Variants in PAK5 observed in about 807,000 individuals in gnomAD.
The protein encoded by PAK5 is serine/threonine-protein kinase PAK 5.
Under a neutral mutation model 65.9 loss-of-function variants are expected in PAK5, and 16 were observed. That is an observed-to-expected ratio of 0.24 (90% CI 0.16 to 0.37). The LOEUF (loss-of-function observed/expected upper bound fraction) is 0.37. PAK5 is among the 10% of genes least tolerant of loss of function. The pLI, the probability that PAK5 is intolerant of heterozygous loss-of-function variation, is 1.00. For missense variants in PAK5, 785 were observed against 903.9 expected (o/e 0.87, Z 1.69); for synonymous variants, 371 against 354.9 (o/e 1.05, Z -0.51).
Position 9,824,625 on chromosome 20 carries a change from C to T in PAK5, c.-162+14137G>A, listed in dbSNP as rs1041131461. 5.3e-5 allele frequency among the ~76,000 whole-genome samples: 8 copies of T among 152,118 alleles called. No individual in the cohort carries two copies. The South Asian group carries it at 8.3e-4, about 16-fold the overall frequency. ...GGATGCTGTCCCATGTGTATCTACA[C>T]GGCAATTTCCTCTCCTCCTTCAAAT... On this transcript the variant is annotated intron_variant, in intron 1 of 9. Transcript: ENST00000353224.
intron 1 of PAK5, among the ~76,000 whole-genome samples, chr20:9,814,838 G>T (rs2049338253): frequency 6.6e-6 from 1 of 152,122 alleles, no homozygotes; most frequent in East Asian, 1.9e-4. Flanking sequence ...TATCTATATT[G>T]CTAGCCATAT....
At chr20:9,831,614 C>T (rs564858924) in intron 1 of PAK5, among the ~76,000 whole-genome samples, 1 of 152,244 alleles carries the variant, frequency 6.6e-6, no homozygotes, top group African/African-American at 2.4e-5. Flanking sequence ...CTCAGACATT[C>T]CTTCCACCTC....
At chr20:9,827,087 T>A (rs1222260416) in intron 1 of PAK5, among the ~76,000 whole-genome samples, 2 of 152,224 alleles carry the variant, frequency 1.3e-5, no homozygotes, top group Non-Finnish European at 2.9e-5. Context: ...GAGGGTTTAA[T>A]CTTTCTCTCT....
At chr20:9,616,562 A>G (rs1159586070) in intron 3 of PAK5, among the ~76,000 whole-genome samples, 1 of 152,184 alleles carries the variant, frequency 6.6e-6, no homozygotes, top group Non-Finnish European at 1.5e-5. Context: ...ATAGATTCTC[A>G]TCCTTCAGGG....
At chr20:9,718,495 T>C (rs1455862610) in intron 1 of PAK5, among the ~76,000 whole-genome samples, 1 of 151,928 alleles carries the variant, frequency 6.6e-6, no homozygotes, top group East Asian at 1.9e-4. Flanking sequence ...TAGCATTTTG[T>C]CCTCCCTTTA....
chr20:9,592,444 AG>A (rs767461804), intron 3 of PAK5, among the ~76,000 whole-genome samples: 6 of 152,222 alleles, frequency 3.9e-5, no homozygotes, highest in Admixed American at 1.3e-4. Context: ...ATGGGGCCCA[AG>A]GGAACTTTCT....
At chr20:9,641,705 G>C (rs1405873971) in intron 3 of PAK5, among the ~76,000 whole-genome samples, 3 of 152,192 alleles carry the variant, frequency 2.0e-5, no homozygotes, top group East Asian at 3.9e-4. Context: ...GCTCAGGCAT[G>C]GCGGGCTGCA....
At chr20:9,583,322 C>T (rs903511993) in intron 3 of PAK5, among the ~76,000 whole-genome samples, 1 of 152,176 alleles carries the variant, frequency 6.6e-6, no homozygotes, top group Non-Finnish European at 1.5e-5. Flanking sequence ...AAAACATGGG[C>T]CCCACCATCT....
intron 1 of PAK5, among the ~76,000 whole-genome samples, chr20:9,833,813 T>C (rs1978932302): frequency 6.6e-6 from 1 of 152,184 alleles, no homozygotes; most frequent in Admixed American, 6.5e-5. Context: ...CCTCAGTTTA[T>C]TGGTTTGAGT....
intron 3 of PAK5, among the ~76,000 whole-genome samples, chr20:9,591,662 T>C (rs548161239): frequency 3.7e-5 from 5 of 133,778 alleles, no homozygotes; most frequent in East Asian, 5.5e-4. Flanking sequence ...TACATATCAA[T>C]TGCAACTACC....
chr20:9,584,557 C>T (rs1198905599), intron 3 of PAK5, among the ~76,000 whole-genome samples: 4 of 152,148 alleles, frequency 2.6e-5, no homozygotes, highest in African/African-American at 4.8e-5. Context: ...GTGATCCACC[C>T]GCCTTGGCCT....
chr20:9,582,646 C>G (rs2045999135), intron 3 of PAK5, among the ~76,000 whole-genome samples: 1 of 152,042 alleles, frequency 6.6e-6, no homozygotes, highest in African/African-American at 2.4e-5. Flanking sequence ...AGCGTCTACT[C>G]AAGGGTCAGG....
At chr20:9,787,619 A>ATGTGTGTGTGTGTG (rs3061911) in intron 1 of PAK5, among the ~76,000 whole-genome samples, 3 of 146,636 alleles carry the variant, frequency 2.0e-5, no homozygotes, top group South Asian at 2.2e-4. Context: ...TATGAAAAGG[A>ATGTGTGTGTGTGTG]TGTGTGTGTG....
chr20:9,542,573 T>G lies in PAK5; in HGVS notation c.2004+13A>C. 1 of 1,614,010 alleles carries G rather than the reference T, an allele frequency of 6.2e-7. No homozygotes were observed. The highest frequency in any genetic ancestry group is 8.5e-7 in the Non-Finnish European group (1 of 1,179,854). On this transcript the variant is annotated intron_variant, in intron 9 of 9. Transcript: ENST00000353224. ...AACTATTCTGAACTTTAGCAACAGC[T>G]GCTGTTTCTCACCTTGTGTAGGTCC...
chr20:9,809,595 C>A (rs1243550766), intron 1 of PAK5, among the ~76,000 whole-genome samples: 1 of 152,078 alleles, frequency 6.6e-6, no homozygotes, highest in Non-Finnish European at 1.5e-5. Flanking sequence ...CTCAGGAGCT[C>A]TTTGTGCTGT....
intron 1 of PAK5, among the ~76,000 whole-genome samples, chr20:9,739,021 T>C (rs1425338240): frequency 6.6e-6 from 1 of 152,172 alleles, no homozygotes. Flanking sequence ...ACAACTGCTC[T>C]AACTCCTCTA....
chr20:9,713,716 T>A (rs1042476529), intron 1 of PAK5, among the ~76,000 whole-genome samples: 8 of 152,090 alleles, frequency 5.3e-5, no homozygotes, highest in Admixed American at 2.0e-4. Context: ...CTGGCAGCAA[T>A]ACGGATGGAA....
intron 1 of PAK5, among the ~76,000 whole-genome samples, chr20:9,779,434 C>A (rs1285644673): frequency 6.6e-6 from 1 of 150,648 alleles, no homozygotes; most frequent in Admixed American, 6.6e-5. Flanking sequence ...CTGGGCTAGA[C>A]TTTTTCAGTA....
Position 9,580,803 on chromosome 20 carries a change from C to A in PAK5, c.332G>T (p.Gly111Val). ...GTGGCCTGGACCGTGGCTGGAGGCT[C>A]CCTGATCTGGGGTGGGTGGGCTTTC... ...RKESPPTPDQ[G>V]ASSHGPGHAE... is the part of the protein sequence containing the mutation. The change falls in exon 4 of 10, where the codon GGA (glycine) becomes GTA (valine). Residue 111 changes from glycine (G) to valine (V), a missense_variant. Around this residue, in one of 4 missense-constraint regions of PAK5, gnomAD observed 422 missense variants for 413.3 expected, o/e 1.02. Transcript: ENST00000353224. The A allele has an allele frequency of 6.2e-7, 1 of 1,613,756 alleles. No individual in the cohort carries two copies.
Sources: allele counts gnomAD v4.1 joint callset (sites outside exome capture counted in the v4.1 genomes callset), GRCh38; gene constraint gnomAD v4.1.1; regional missense constraint gnomAD v4.1.1; transcripts MANE v1.5; gene names NCBI Gene and HGNC (gene_info 2026-07-23, HGNC 2026-07-21).